PGLYRP2: variants seen among roughly 807,000 people sequenced by gnomAD.
The protein encoded by PGLYRP2 is N-acetylmuramoyl-L-alanine amidase.
A neutral mutation model predicts 46.2 loss-of-function variants in PGLYRP2; 38 were observed. That is an observed-to-expected ratio of 0.82 (90% CI 0.64 to 1.08). The LOEUF (loss-of-function observed/expected upper bound fraction) is 1.08, where lower values mean the gene tolerates loss of function less well. Ranked by LOEUF, PGLYRP2 falls within the 50% of genes least tolerant of loss-of-function variation. PGLYRP2 has a pLI of 0.00. For missense variants in PGLYRP2, 713 were observed against 755.9 expected (o/e 0.94, Z 0.67); for synonymous variants, 289 against 329.4 (o/e 0.88, Z 1.33).
intron 1 of PGLYRP2, among the ~76,000 whole-genome samples, chr19:15,477,936 A>G (rs969528716): frequency 6.6e-6 from 1 of 152,168 alleles, no homozygotes; most frequent in Non-Finnish European, 1.5e-5. Context: ...GGTGACTTAT[A>G]TATTAATAAT....
Position 15,468,741 on chromosome 19 carries a change from T to G in PGLYRP2, c.1653A>C (p.Pro551=). ...TWPHFTATVK[P]RPARSVSKRS... ...TCTTAGAGACACTCCTGGCAGGTCT[T>G]GGCTTAACAGTCTGGAAAAAGACAA... Residue 551 remains proline, a synonymous_variant, in exon 5 of 5, where the codon CCA becomes CCC. Coordinates refer to ENST00000340880, the MANE Select transcript of PGLYRP2 (RefSeq NM_052890.4). The G allele has an allele frequency of 6.2e-7, 1 of 1,611,662 alleles. No individual in the cohort carries two copies. Among genetic ancestry groups the G allele is most frequent in the Non-Finnish European group, 8.5e-7 (1 of 1,178,792 alleles).
intron 1 of PGLYRP2, among the ~76,000 whole-genome samples, chr19:15,477,952 G>A (rs1211568912): frequency 3.3e-5 from 5 of 152,122 alleles, no homozygotes; most frequent in South Asian, 4.1e-4. Flanking sequence ...ATAATTTAAC[G>A]CAGTTAGTCT....
intron 3 of PGLYRP2, among the ~76,000 whole-genome samples, chr19:15,470,308 C>T (rs112620863): frequency 0.28 from 34,215 of 121,676 alleles, 5,209 homozygotes; most frequent in East Asian, 0.31. Flanking sequence ...TTCTTTCTTT[C>T]TTTTTTTGAT....
chr19:15,468,739 C>A lies in PGLYRP2; in HGVS notation c.1655G>T (p.Arg552Ile). ...WPHFTATVKP[R>I]PARSVSKRSR... ...TCTCTTAGAGACACTCCTGGCAGGTCTTGGCTTAACAGTCTGGAAAAAGAC... is the reference window on the plus strand; with the variant it reads ...TCTCTTAGAGACACTCCTGGCAGGTATTGGCTTAACAGTCTGGAAAAAGAC... The change falls in exon 5 of 5, where the codon AGA becomes ATA. Residue 552 changes from arginine to isoleucine, a missense_variant. Coordinates refer to ENST00000340880, the MANE Select transcript of PGLYRP2 (RefSeq NM_052890.4). The A allele has an allele frequency of 1.9e-6, 3 of 1,611,468 alleles. No homozygotes were observed. In the South Asian group the frequency reaches 3.3e-5, roughly 18 times the overall value.
chr19:15,477,510 C>A lies in PGLYRP2; in HGVS notation c.62-902G>T, dbSNP rs1204313928. On this transcript the variant is annotated intron_variant, in intron 1 of 4. Coordinates refer to ENST00000340880, the MANE Select transcript of PGLYRP2 (RefSeq NM_052890.4). ...GTCGGGAGCTCAGGACCAGCCGGAT[C>A]AACATGGCGAGACTCCGTCACTACT... Among the ~76,000 whole-genome samples the A allele has an allele frequency of 9.3e-5, 14 of 151,038 alleles. No individual in the cohort carries two copies. The Admixed American group carries it at 9.3e-4, about 10-fold the overall frequency.
chr19:15,471,744 C>A, intron 3 of PGLYRP2, 146 bp downstream of exon 3: 3 of 915,986 alleles, frequency 3.3e-6, no homozygotes, highest in Non-Finnish European at 3.2e-6. Context: ...CGCCACCTCT[C>A]CAACTTTGCT....
In PGLYRP2 at chr19:15,469,992, T is replaced by G; in HGVS notation, c.1344-63A>C. ...GAGGGGGACCCGGGCCCTTATCCGC[T>G]CCCCTCCCCGATTCTGTTGGTGTGC... On this transcript the variant is annotated intron_variant, in intron 3 of 4. Coordinates refer to ENST00000340880, the MANE Select transcript of PGLYRP2 (RefSeq NM_052890.4). This position sits in a 1 kb window ranked among gnomAD's most constrained non-coding sequence, Gnocchi z 4.9. 1 of 1,327,368 alleles carries G rather than the reference T, an allele frequency of 7.5e-7. No individual in the cohort carries two copies. Among genetic ancestry groups the G allele is most frequent in the East Asian group, 2.9e-5 (1 of 34,030 alleles). 82.2% of individuals were successfully genotyped at this position (1,327,368 alleles called of 1,614,324 possible).
chr19:15,470,295 T>TC (rs1241470919), intron 3 of PGLYRP2, among the ~76,000 whole-genome samples: 1,536 of 138,502 alleles, frequency 0.011, 11 homozygotes, highest in Middle Eastern at 0.022. Context: ...CTTCCTTCCT[T>TC]CTTTCTTTCT....
At chr19:15,478,688 T>C (rs2144455643) in intron 1 of PGLYRP2, among the ~76,000 whole-genome samples, 1 of 150,270 alleles carries the variant, frequency 6.7e-6, no homozygotes, top group African/African-American at 2.5e-5. Flanking sequence ...TGGAGTGCAG[T>C]AGTGCTCAGC....
intron 2 of PGLYRP2, among the ~76,000 whole-genome samples, chr19:15,474,362 C>CA (rs542429357): frequency 7.9e-4 from 120 of 151,520 alleles, no homozygotes; most frequent in Non-Finnish European, 1.4e-3. Context: ...CAAAACAAAA[C>CA]AAAAAAAATA....
chr19:15,469,995 C>T lies in PGLYRP2; in HGVS notation c.1344-66G>A, dbSNP rs1346023967. 1.5e-6 allele frequency: 2 copies of T among 1,332,686 alleles called. No individual in the cohort carries two copies. Among genetic ancestry groups the T allele is most frequent in the Non-Finnish European group, 1.9e-6 (2 of 1,042,282 alleles). The allele number at this position is 1,332,686 out of a possible 1,614,324, so 82.6% of individuals were successfully genotyped here. Reference sequence around the variant, plus strand: ...GGGGACCCGGGCCCTTATCCGCTCCCCTCCCCGATTCTGTTGGTGTGCCAA... The same window carrying T: ...GGGGACCCGGGCCCTTATCCGCTCCTCTCCCCGATTCTGTTGGTGTGCCAA... On this transcript the variant is annotated intron_variant, in intron 3 of 4. Transcript: ENST00000340880. This position sits in a 1 kb window ranked among gnomAD's most constrained non-coding sequence, Gnocchi z 4.9.
At position 15,475,845 on chromosome 19, in the gene PGLYRP2, G is replaced by C. The variant is rs374756265; in HGVS notation, c.825C>G (p.Gly275=). 2.5e-6 allele frequency: 4 copies of C among 1,613,942 alleles called. No homozygotes were observed. Among genetic ancestry groups the C allele is most frequent in the African/African-American group, 1.3e-5 (1 of 74,920 alleles). ...ASLLTMAFLN[G]ALDGVILGDY... ...CTCCAAGGATGACCCCATCCAGGGCGCCATTGAGGAAGGCCATGGTTAACA... is the reference window on the plus strand; with the variant it reads ...CTCCAAGGATGACCCCATCCAGGGCCCCATTGAGGAAGGCCATGGTTAACA... Residue 275 remains glycine (G), a synonymous_variant, in exon 2 of 5, where the codon GGC becomes GGG. Coordinates refer to ENST00000340880, the MANE Select transcript of PGLYRP2 (RefSeq NM_052890.4).
rs549597580 is a variant in PGLYRP2 at position 15,471,996 on chromosome 19, A to G, written c.1237T>C (p.Tyr413His). 2.5e-6 allele frequency: 4 copies of G among 1,613,900 alleles called. No individual in the cohort carries two copies. Among genetic ancestry groups the G allele is most frequent in the African/African-American group, 2.7e-5 (2 of 75,070 alleles). Reference sequence around the variant, plus strand: ...TCCGTGCAGGGTGGTGCAGGCACGTAGGTGTGATGCACGTACAAGAATCCC... The same window carrying G: ...TCCGTGCAGGGTGGTGCAGGCACGTGGGTGTGATGCACGTACAAGAATCCC... The part of the protein sequence containing the change: ...PLGFLYVHHT[Y>H]VPAPPCTDFT... The change falls in exon 3 of 5, where the codon TAC (tyrosine) becomes CAC (histidine). Residue 413 changes from tyrosine to histidine, a missense_variant. Tyr to His is a moderately conservative substitution (Grantham distance 83). Transcript: ENST00000340880.
Position 15,472,081 on chromosome 19 carries a change from G to T in PGLYRP2, c.1152C>A (p.Pro384=), listed in dbSNP as rs143527020. The T allele has an allele frequency of 2.5e-6, 4 of 1,603,550 alleles. No homozygotes were observed. The East Asian group carries it at 6.7e-5, about 27-fold the overall frequency. The change falls in exon 3 of 5, where the codon CCC becomes CCA. Residue 384 remains proline, a synonymous_variant. Coordinates refer to ENST00000340880, the MANE Select transcript of PGLYRP2 (RefSeq NM_052890.4). ...EAFLGCPAIH[P]RCRWGAAPYR... ...AAGGCGCCGCTCCCCAGCGGCAGCG[G>T]GGGTGGATGGCCGGGCATCCTACAG... is the stretch of plus-strand genomic sequence containing the variant.
Position 15,475,614 on chromosome 19 carries a change from C to T in PGLYRP2, c.1056G>A (p.Gln352=). The T allele has an allele frequency of 3.1e-6, 5 of 1,614,092 alleles. No homozygotes were observed. The highest frequency in any genetic ancestry group is 4.2e-6 in the Non-Finnish European group (5 of 1,179,984). ...GCTGTTCTTGGCTCATGCACTGAAG[C>T]TGGAGGTGTACTGGCTCCAGCCTCT... is the stretch of plus-strand genomic sequence containing the variant. ...LLQRLEPVHL[Q]LQCMSQEQLA... The change falls in exon 2 of 5, where the codon CAG becomes CAA. Residue 352 remains glutamine, a synonymous_variant. Coordinates refer to ENST00000340880, the MANE Select transcript of PGLYRP2 (RefSeq NM_052890.4).
chr19:15,477,762 G>A (rs138521797), intron 1 of PGLYRP2, among the ~76,000 whole-genome samples: 1 of 77,764 alleles, frequency 1.3e-5, no homozygotes, highest in Admixed American at 1.3e-4. Flanking sequence ...TAGCCTGGGA[G>A]GCAGGGGGAA....
Position 15,469,530 on chromosome 19 carries a change from G to C in PGLYRP2, c.1641+102C>G. ...GCCGGGAAGTTGGGGGCCTGGCTGA[G>C]GCTGTGCGGGCACAGCTGTTACAGG... On this transcript the variant is annotated intron_variant, in intron 4 of 4. Coordinates refer to ENST00000340880, the MANE Select transcript of PGLYRP2 (RefSeq NM_052890.4). This position sits in a 1 kb window ranked among gnomAD's most constrained non-coding sequence, Gnocchi z 4.9. The C allele has an allele frequency of 2.7e-6, 4 of 1,468,256 alleles. No homozygotes were observed. Among genetic ancestry groups the C allele is most frequent in the Non-Finnish European group, 3.7e-6 (4 of 1,083,612 alleles). 91.0% of individuals were successfully genotyped at this position (1,468,256 alleles called of 1,614,324 possible).
Position 15,476,143 on chromosome 19 carries a change from C to T in PGLYRP2, c.527G>A (p.Gly176Asp), listed in dbSNP as rs1318807484. 1 of 1,614,176 alleles carries T rather than the reference C, an allele frequency of 6.2e-7. No homozygotes were observed. Among genetic ancestry groups the T allele is most frequent in the East Asian group, 2.2e-5 (1 of 44,888 alleles). ...RATSSPGLRD[G>D]SPDVTTADIG... ...ATCTGCAGTGGTGACATCTGGAGAG[C>T]CATCCCTGAGTCCTGGGGAGGAGGT... The change falls in exon 2 of 5, where the codon GGC becomes GAC. Residue 176 changes from glycine to aspartate, a missense_variant. By Grantham distance (94) the Gly-to-Asp change is moderately conservative (BLOSUM62 -1). Coordinates refer to ENST00000340880, the MANE Select transcript of PGLYRP2 (RefSeq NM_052890.4).
intron 2 of PGLYRP2, among the ~76,000 whole-genome samples, chr19:15,473,438 C>G (rs1240063889): frequency 5.8e-5 from 7 of 119,744 alleles, no homozygotes; most frequent in African/African-American, 1.9e-4. Flanking sequence ...TCTTTGCACT[C>G]CAGCCTGGGC....
Sources: gnomAD v4.1 joint callset for allele counts (sites outside exome capture counted in the v4.1 genomes callset) on GRCh38, gnomAD v4.1.1 for gene constraint, Gnocchi (gnomAD v3.1) non-coding constraint, MANE v1.5 for transcripts, NCBI Gene and HGNC (gene_info 2026-07-23, HGNC 2026-07-21) for gene names.